The following MYO1B variants were observed in gnomAD, a reference collection of about 807,000 sequenced individuals.
MYO1B encodes unconventional myosin-Ib.
MYO1B carries 72 observed loss-of-function variants against 159.7 expected under a neutral mutation model. That is an observed-to-expected ratio of 0.45 (90% CI 0.37 to 0.55). MYO1B has a LOEUF of 0.55. Among genes scored for constraint, MYO1B ranks in the 20% least tolerant of loss-of-function variants. The pLI, the probability that MYO1B is intolerant of heterozygous loss-of-function variation, is 0.00. For synonymous variants in MYO1B, 468 were observed against 473.8 expected, an observed-to-expected ratio of 0.99 and a Z score of 0.16; for missense variants, 1,062 against 1,364.8, an observed-to-expected ratio of 0.78 and a Z score of 3.50.
chr2:191,323,873 G>A (rs1213193283), intron 3 of MYO1B, among the ~76,000 whole-genome samples: 1 of 152,020 alleles, frequency 6.6e-6, no homozygotes, highest in Non-Finnish European at 1.5e-5. Flanking sequence ...ATATAAGAAT[G>A]TAAATGAAAT....
chr2:191,368,901 G>T (rs1694183064), intron 11 of MYO1B, among the ~76,000 whole-genome samples: 1 of 152,156 alleles, frequency 6.6e-6, no homozygotes, highest in Non-Finnish European at 1.5e-5. Context: ...TTGAACCCAA[G>T]AGGCAGAGGT....
intron 18 of MYO1B, among the ~76,000 whole-genome samples, chr2:191,391,542 A>G (rs917793842): frequency 6.6e-6 from 1 of 151,980 alleles, no homozygotes; most frequent in Non-Finnish European, 1.5e-5. Flanking sequence ...CCTGCCTGGC[A>G]TCTAGTCTGC....
At chr2:191,247,052 G>T (rs143388745) in intron 1 of MYO1B, among the ~76,000 whole-genome samples, 1 of 152,344 alleles carries the variant, frequency 6.6e-6, no homozygotes, top group African/African-American at 2.4e-5. Flanking sequence ...ATGGGGGATT[G>T]AATGATGTGT....
chr2:191,412,008 C>T (rs1697278296), intron 27 of MYO1B, among the ~76,000 whole-genome samples: 1 of 152,126 alleles, frequency 6.6e-6, no homozygotes, highest in Non-Finnish European at 1.5e-5. Flanking sequence ...TGTTTATATT[C>T]TCTGTGACTT....
intron 3 of MYO1B, among the ~76,000 whole-genome samples, chr2:191,303,202 C>T (rs537914150): frequency 8.6e-5 from 13 of 151,850 alleles, no homozygotes; most frequent in African/African-American, 3.1e-4. Flanking sequence ...TTTTCTGCAA[C>T]GGAGTTGAAA....
At position 191,277,509 on chromosome 2, in the gene MYO1B, A is replaced by G. The variant is rs147141572; in HGVS notation, c.135+479A>G. ...GTAATTGGTCCCTGAAGATTTGGCT[A>G]TAGTCATGTCCTACTGTACAAAAGT... is the stretch of plus-strand genomic sequence containing the variant. On this transcript the variant is annotated intron_variant, in intron 2 of 30. Transcript: ENST00000392318. Among the ~76,000 whole-genome samples, 99 of 152,356 alleles carry G rather than the reference A, an allele frequency of 6.5e-4. 1 individual carries two copies. In the East Asian group the frequency reaches 0.013, roughly 21 times the overall value.
chr2:191,317,739 A>G (rs1574415022), intron 3 of MYO1B, among the ~76,000 whole-genome samples: 1 of 152,184 alleles, frequency 6.6e-6, no homozygotes. Context: ...CTGAATCCAA[A>G]TAACCCAAAT....
chr2:191,396,405 A>G (rs752521225), intron 20 of MYO1B, 24 bp from the exon 21 acceptor site: 31 of 1,612,814 alleles, frequency 1.9e-5, no homozygotes, highest in African/African-American at 1.3e-4. Flanking sequence ...ACAACTGCCA[A>G]TATCTTCCCC....
chr2:191,320,716 C>A (rs1690654429), intron 3 of MYO1B, among the ~76,000 whole-genome samples: 1 of 152,118 alleles, frequency 6.6e-6, no homozygotes, highest in Non-Finnish European at 1.5e-5. Flanking sequence ...TATTGAGCAC[C>A]TGCTGCATTT....
At chr2:191,309,742 A>G (rs1036266558) in intron 3 of MYO1B, among the ~76,000 whole-genome samples, 1 of 152,234 alleles carries the variant, frequency 6.6e-6, no homozygotes, top group South Asian at 2.1e-4. Flanking sequence ...GCAATCCCTG[A>G]AATAGCCAAG....
chr2:191,360,603 C>T (rs1693600686), intron 7 of MYO1B, 28 bp from the exon 8 acceptor site: 2 of 1,405,848 alleles, frequency 1.4e-6, no homozygotes, highest in Non-Finnish European at 2.0e-6. Context: ...AAACAAATGC[C>T]ATACTATGAT....
intron 3 of MYO1B, among the ~76,000 whole-genome samples, chr2:191,315,157 G>GTCCGTCCA (rs1690264098): frequency 1.3e-5 from 2 of 149,956 alleles, no homozygotes; most frequent in African/African-American, 4.9e-5. Flanking sequence ...CCGTCCGTCC[G>GTCCGTCCA]TCCATCCATC....
intron 1 of MYO1B, among the ~76,000 whole-genome samples, chr2:191,253,252 A>G (rs1686235899): frequency 6.6e-6 from 1 of 152,126 alleles, no homozygotes. Flanking sequence ...ACTTGTCCCA[A>G]CTTATGTCAC....
At chr2:191,361,256 T>G (rs1254572777) in intron 8 of MYO1B, among the ~76,000 whole-genome samples, 1 of 152,190 alleles carries the variant, frequency 6.6e-6, no homozygotes, top group Non-Finnish European at 1.5e-5. Context: ...AATATGATTT[T>G]TCTGTTTGGG....
In MYO1B at chr2:191,425,323, T is replaced by A. The variant is rs1698153851; in HGVS notation, c.*1363T>A. 6.6e-6 allele frequency: 1 copy of A among 152,150 alleles called. No individual in the cohort carries two copies. The highest frequency in any genetic ancestry group is 2.4e-5 in the African/African-American group (1 of 41,448). The allele number at this position is 152,150 out of a possible 1,614,324, so 9.4% of individuals were successfully genotyped here. Reference sequence around the variant, plus strand: ...AAACCAGAAACATTAATTGAAAATATTTTCTGGGGATTTTCTCTTGACTTG... The same window carrying A: ...AAACCAGAAACATTAATTGAAAATAATTTCTGGGGATTTTCTCTTGACTTG... On this transcript the variant is annotated 3_prime_UTR_variant, in exon 31 of 31. Transcript: ENST00000392318.
In MYO1B at chr2:191,378,133, G is replaced by C. The variant is rs149354457; in HGVS notation, c.1186-3329G>C. Among the ~76,000 whole-genome samples, 1,075 of 152,066 alleles carry C rather than the reference G, an allele frequency of 7.1e-3. 9 individuals are homozygous for C. The highest frequency in any genetic ancestry group is 0.013 in the Non-Finnish European group (864 of 67,992). On this transcript the variant is annotated intron_variant, in intron 13 of 30. Transcript: ENST00000392318. ...GGTTTTTGAAAAGGAGCCTTAGCAC[G>C]GTACTACACAGGGATGTGTCCCTGG...
intron 1 of MYO1B, among the ~76,000 whole-genome samples, chr2:191,275,012 G>T (rs1042691394): frequency 6.6e-6 from 1 of 152,046 alleles, no homozygotes; most frequent in Non-Finnish European, 1.5e-5. Context: ...GGTTCAAGCA[G>T]TTCGCTGCCT....
chr2:191,255,125 T>G (rs182838986), intron 1 of MYO1B, among the ~76,000 whole-genome samples: 14 of 151,986 alleles, frequency 9.2e-5, no homozygotes, highest in Admixed American at 3.3e-4. Context: ...GACGGGGTCT[T>G]TCTATGTTGC....
intron 3 of MYO1B, among the ~76,000 whole-genome samples, chr2:191,309,669 A>C (rs944246910): frequency 6.6e-6 from 1 of 152,152 alleles, no homozygotes; most frequent in South Asian, 2.1e-4. Context: ...TGAACATGCC[A>C]CTGTCAGCAT....
Sources: gnomAD v4.1 joint callset for allele counts (sites outside exome capture counted in the v4.1 genomes callset) on GRCh38, gnomAD v4.1.1 for gene constraint, MANE v1.5 for transcripts, NCBI Gene and HGNC (gene_info 2026-07-23, HGNC 2026-07-21) for gene names.